The following REDIC1 variants were observed in gnomAD, a reference collection of about 807,000 sequenced individuals.
REDIC1 encodes the protein regulator of DNA class I crossover intermediates 1, also known as HEI10 Interacting Protein 1.
chr12:39,794,712 G>A, the REDIC1 span, among the ~76,000 whole-genome samples: 1 of 152,192 alleles, frequency 6.6e-6, no homozygotes, highest in African/African-American at 2.4e-5. Flanking sequence ...AGCCTGGAGT[G>A]GCTGTGAACA....
chr12:39,836,499 C>T, the REDIC1 span, among the ~76,000 whole-genome samples: 1 of 151,688 alleles, frequency 6.6e-6, no homozygotes, highest in Admixed American at 6.6e-5. Flanking sequence ...GGCAATTAGG[C>T]AGGAGAAGGA....
the REDIC1 span, among the ~76,000 whole-genome samples, chr12:39,692,515 C>T: frequency 7.1e-6 from 1 of 140,480 alleles, no homozygotes; most frequent in Non-Finnish European, 1.5e-5. Flanking sequence ...TGATCCAACT[C>T]TATATATTTT....
chr12:39,804,994 G>C, the REDIC1 span, among the ~76,000 whole-genome samples: 1 of 152,212 alleles, frequency 6.6e-6, no homozygotes, highest in Non-Finnish European at 1.5e-5. Flanking sequence ...GTCTGAGGGA[G>C]AAGACTGCTG....
At chr12:39,831,590 T>A in the REDIC1 span, among the ~76,000 whole-genome samples, 1 of 152,104 alleles carries the variant, frequency 6.6e-6, no homozygotes. Context: ...TGTTGGTCCT[T>A]TCCAAATCTC....
At chr12:39,692,286 A>G in the REDIC1 span, 1 of 549,490 alleles carries the variant, frequency 1.8e-6, no homozygotes, top group Non-Finnish European at 2.9e-6. Context: ...TTTATTAAAT[A>G]TACATGAGTA....
chr12:39,678,629 C>CAAAAAAAAAAAAAAAA, the REDIC1 span, among the ~76,000 whole-genome samples: 1 of 96,230 alleles, frequency 1.0e-5, no homozygotes, highest in African/African-American at 4.0e-5. Context: ...AAAGGCATAA[C>CAAAAAAAAAAAAAAAA]AAAAAAAAAA....
At chr12:39,652,826 C>A in the REDIC1 span, among the ~76,000 whole-genome samples, 1 of 152,128 alleles carries the variant, frequency 6.6e-6, no homozygotes, top group South Asian at 2.1e-4. Flanking sequence ...TGCTTTGGCA[C>A]CTTTGTCAGA....
chr12:39,674,934 A>G, the REDIC1 span, among the ~76,000 whole-genome samples: 373 of 152,346 alleles, frequency 2.4e-3, 1 homozygote, highest in African/African-American at 8.1e-3. Flanking sequence ...AAATGCAGAT[A>G]TGAGTGCAGA....
At chr12:39,895,907 TATATGTATGC>T in the REDIC1 span, among the ~76,000 whole-genome samples, 1 of 150,166 alleles carries the variant, frequency 6.7e-6, no homozygotes, top group Non-Finnish European at 1.5e-5. Flanking sequence ...CACACATATG[TATATGTATGC>T]ATATATGTGT....
chr12:39,808,034 A>G, the REDIC1 span, among the ~76,000 whole-genome samples: 1 of 152,180 alleles, frequency 6.6e-6, no homozygotes, highest in Non-Finnish European at 1.5e-5. Context: ...TAAGTCAATG[A>G]GTTTTGACAA....
At chr12:39,682,345 G>A in the REDIC1 span, among the ~76,000 whole-genome samples, 1 of 152,006 alleles carries the variant, frequency 6.6e-6, no homozygotes, top group Non-Finnish European at 1.5e-5. Context: ...GGTTGGTCAT[G>A]TTTTAATTAA....
the REDIC1 span, among the ~76,000 whole-genome samples, chr12:39,782,338 T>C: frequency 6.6e-6 from 1 of 152,126 alleles, no homozygotes; most frequent in African/African-American, 2.4e-5. Flanking sequence ...AATTGAATCA[T>C]GGGGGCGGCC....
chr12:39,813,704 T>C, the REDIC1 span, among the ~76,000 whole-genome samples: 1 of 152,126 alleles, frequency 6.6e-6, no homozygotes, highest in African/African-American at 2.4e-5. Flanking sequence ...ATTGGAGTAG[T>C]GGGGGATGAA....
chr12:39,672,184 C>G, the REDIC1 span, among the ~76,000 whole-genome samples: 1 of 152,096 alleles, frequency 6.6e-6, no homozygotes, highest in African/African-American at 2.4e-5. Flanking sequence ...CCTGGGGCCT[C>G]AAGCATCATG....
chr12:39,810,679 A>G, the REDIC1 span, among the ~76,000 whole-genome samples: 2 of 152,174 alleles, frequency 1.3e-5, no homozygotes, highest in African/African-American at 4.8e-5. Context: ...AGTTTTTATC[A>G]TGAATGGATT....
the REDIC1 span, among the ~76,000 whole-genome samples, chr12:39,666,996 G>C: frequency 1.7e-4 from 26 of 151,480 alleles, no homozygotes; most frequent in Admixed American, 1.5e-3. Flanking sequence ...CATCAGTTTT[G>C]TTGATCTTTT....
chr12:39,765,319 A>T, the REDIC1 span, among the ~76,000 whole-genome samples: 1 of 152,028 alleles, frequency 6.6e-6, no homozygotes. Context: ...TGGATGAGGG[A>T]AACAAATGAT....
At chr12:39,777,564 G>A in the REDIC1 span, among the ~76,000 whole-genome samples, 1 of 152,154 alleles carries the variant, frequency 6.6e-6, no homozygotes, top group East Asian at 1.9e-4. Context: ...CTGCACAAAT[G>A]TTGCACTTCC....
chr12:39,713,281 TACGTGTATATATGTGTACACACAC>T, the REDIC1 span, among the ~76,000 whole-genome samples: 154 of 11,010 alleles, frequency 0.014, 16 homozygotes, highest in Middle Eastern at 0.091. Context: ...TACACACACA[TACGTGTATATATGTGTACACACAC>T]ATACGTGTAT....
Sources: allele counts gnomAD v4.1 joint callset (sites outside exome capture counted in the v4.1 genomes callset), GRCh38; gene constraint gnomAD v4.1.1; transcripts MANE v1.5; gene names NCBI Gene and HGNC (gene_info 2026-07-23, HGNC 2026-07-21).